Variants in KLHL28 observed in about 807,000 individuals in gnomAD.
KLHL28 encodes the protein kelch like family member 28.
KLHL28 carries 22 observed loss-of-function variants against 48.3 expected under a neutral mutation model. That is an observed-to-expected ratio of 0.46 (90% confidence interval 0.33 to 0.65). The LOEUF (loss-of-function observed/expected upper bound fraction) is 0.65. KLHL28 is among the 30% of genes least tolerant of loss of function. The pLI, the probability that KLHL28 is intolerant of heterozygous loss-of-function variation, is 0.03. For missense variants in KLHL28, 527 were observed against 704.3 expected (o/e 0.75, Z 2.85); for synonymous variants, 243 against 242.4 (o/e 1.00, Z -0.02).
At chr14:44,937,450 A>G (rs1328484978) in intron 2 of KLHL28, among the ~76,000 whole-genome samples, 1 of 152,042 alleles carries the variant, frequency 6.6e-6, no homozygotes, top group Non-Finnish European at 1.5e-5. Context: ...CCCGGCCCAG[A>G]ATTGAATTGT....
chr14:44,926,391 GTA>G lies in KLHL28; in HGVS notation c.*2635_*2636del, dbSNP rs1307620041. On this transcript the variant is annotated 3_prime_UTR_variant, in exon 5 of 5. Transcript: ENST00000396128. ...TTAGATTTTTCAAAAACAATGACCA[GTA>G]TATGTTTTTGATCTAATTTACCAAA... 2 of 151,958 alleles carry G rather than the reference GTA, an allele frequency of 1.3e-5. No individual in the cohort carries two copies. The highest frequency in any genetic ancestry group is 4.8e-5 in the African/African-American group (2 of 41,344). The allele number at this position is 151,958 out of a possible 1,614,324, so 9.4% of individuals were successfully genotyped here. A position where few individuals can be genotyped will look rare whatever the true frequency, so the allele number is the denominator to read the frequency against.
intron 1 of KLHL28, among the ~76,000 whole-genome samples, chr14:44,956,926 T>C (rs2138670723): frequency 6.6e-6 from 1 of 152,318 alleles, no homozygotes; most frequent in South Asian, 2.1e-4. Context: ...CAAGGGATTC[T>C]CCCTCCTCAG....
intron 2 of KLHL28, among the ~76,000 whole-genome samples, chr14:44,936,428 G>A (rs368691671): frequency 1.3e-5 from 2 of 152,150 alleles, no homozygotes; most frequent in South Asian, 2.1e-4. Context: ...GTAGAGAGGT[G>A]GAAGGGTTGG....
At chr14:44,961,428 C>G (rs1405124041) in intron 1 of KLHL28, among the ~76,000 whole-genome samples, 2 of 151,804 alleles carry the variant, frequency 1.3e-5, no homozygotes, top group African/African-American at 4.8e-5. Context: ...ATATTATGTA[C>G]GTTGTAAAGA....
At chr14:44,931,244 A>C in intron 4 of KLHL28, 89 bp downstream of exon 4, 1 of 690,272 alleles carries the variant, frequency 1.4e-6, no homozygotes, top group South Asian at 2.8e-5. Context: ...TAATATTCCT[A>C]CTGCTATATT....
At chr14:44,938,592 A>G (rs900992908) in intron 2 of KLHL28, among the ~76,000 whole-genome samples, 4 of 152,154 alleles carry the variant, frequency 2.6e-5, no homozygotes, top group African/African-American at 9.7e-5. Flanking sequence ...GGATGGTCTC[A>G]ATCTCCTGAC....
At chr14:44,931,053 G>A (rs1883564420) in intron 4 of KLHL28, among the ~76,000 whole-genome samples, 1 of 152,152 alleles carries the variant, frequency 6.6e-6, no homozygotes, top group Non-Finnish European at 1.5e-5. Context: ...GACAAAAGGA[G>A]CTTCTATAAA....
chr14:44,959,669 C>T (rs554460494), intron 1 of KLHL28, among the ~76,000 whole-genome samples: 1 of 152,230 alleles, frequency 6.6e-6, no homozygotes, highest in Admixed American at 6.5e-5. Flanking sequence ...CACACACATT[C>T]CTATAATTCA....
At chr14:44,949,029 G>A (rs553967476) in intron 1 of KLHL28, among the ~76,000 whole-genome samples, 1 of 152,126 alleles carries the variant, frequency 6.6e-6, no homozygotes, top group African/African-American at 2.4e-5. Flanking sequence ...AATAAGAGAA[G>A]GGATTGAAAA....
At chr14:44,953,391 C>G (rs2138660102) in intron 1 of KLHL28, among the ~76,000 whole-genome samples, 1 of 152,224 alleles carries the variant, frequency 6.6e-6, no homozygotes, top group Admixed American at 6.5e-5. Flanking sequence ...ATTTAGTCCC[C>G]AATGCGGTAG....
At chr14:44,931,278 C>T in intron 4 of KLHL28, 55 bp downstream of exon 4, 1 of 1,115,866 alleles carries the variant, frequency 9.0e-7, no homozygotes, top group South Asian at 1.4e-5. Context: ...ATTGCAAGCA[C>T]ATCATTATAG....
Position 44,945,341 on chromosome 14 carries a change from C to T in KLHL28, c.588G>A (p.Glu196=). ...SNDCLNVATE[E]TVFYALESWI... Reference sequence around the variant, plus strand: ...AAGACTCTAATGCATAAAAAACAGTCTCTTCGGTAGCTACATTCAAACAGT... The same window carrying T: ...AAGACTCTAATGCATAAAAAACAGTTTCTTCGGTAGCTACATTCAAACAGT... The change falls in exon 2 of 5, where the codon GAG becomes GAA. Residue 196 remains glutamate (E), a synonymous_variant. Transcript: ENST00000396128. 1.9e-6 allele frequency: 3 copies of T among 1,614,150 alleles called. No individual in the cohort carries two copies. The highest frequency in any genetic ancestry group is 2.5e-6 in the Non-Finnish European group (3 of 1,180,024).
At chr14:44,943,116 G>A (rs1255976419) in intron 2 of KLHL28, among the ~76,000 whole-genome samples, 1 of 152,092 alleles carries the variant, frequency 6.6e-6, no homozygotes, top group African/African-American at 2.4e-5. Context: ...ATATGAACAG[G>A]TCTTATTATT....
At chr14:44,949,704 G>A (rs1245547958) in intron 1 of KLHL28, among the ~76,000 whole-genome samples, 1 of 152,110 alleles carries the variant, frequency 6.6e-6, no homozygotes, top group African/African-American at 2.4e-5. Context: ...AAATTTAAAA[G>A]GGATAAATGT....
rs1883477514 is a variant in KLHL28, at chr14:44,929,057, G to A, written c.1687C>T (p.Arg563Cys). 5 of 1,613,488 alleles carry A rather than the reference G, an allele frequency of 3.1e-6. No individual in the cohort carries two copies. Among genetic ancestry groups the A allele is most frequent in the Middle Eastern group, 1.6e-4 (1 of 6,084 alleles). ...AGTGCAGTTAACCCAAAGTTGCAGC[G>A]ACAGTATATCATGCCAGCTGAATCC... ...WLDSAGMIYC[R>C]CNFGLTAL Residue 563 changes from arginine to cysteine, a missense_variant, in exon 5 of 5, where the codon CGC (arginine) becomes TGC (cysteine). Coordinates refer to ENST00000396128, the MANE Select transcript of KLHL28 (RefSeq NM_017658.5).
chr14:44,960,857 A>G, intron 1 of KLHL28: 3 of 1,353,904 alleles, frequency 2.2e-6, no homozygotes, highest in African/African-American at 2.9e-5. Flanking sequence ...TTATTCCAAG[A>G]CTTTAAAAAG....
rs1211545243 is a variant in KLHL28, at chr14:44,937,797, T to C, written c.900-3239A>G. On this transcript the variant is annotated intron_variant, in intron 2 of 4. Transcript: ENST00000396128. Reference sequence around the variant, plus strand: ...TCATCTCATGGTAGAAGACATCACATGGATAGCTAGCAAGCCTGTGCACAA... The same window carrying C: ...TCATCTCATGGTAGAAGACATCACACGGATAGCTAGCAAGCCTGTGCACAA... 3.3e-5 allele frequency among the ~76,000 whole-genome samples: 5 copies of C among 152,240 alleles called. No individual in the cohort carries two copies. In the South Asian group the frequency reaches 6.2e-4, roughly 19 times the overall value.
chr14:44,956,090 C>G (rs1443183436), intron 1 of KLHL28, among the ~76,000 whole-genome samples: 1 of 152,164 alleles, frequency 6.6e-6, no homozygotes, highest in Admixed American at 6.5e-5. Flanking sequence ...CTTTCCTACA[C>G]TAACTGTACT....
At chr14:44,933,055 C>A (rs955553879) in intron 3 of KLHL28, among the ~76,000 whole-genome samples, 2 of 152,148 alleles carry the variant, frequency 1.3e-5, no homozygotes, top group African/African-American at 4.8e-5. Context: ...ATAAGCTACA[C>A]GTATCCTCTT....
Sources: gnomAD v4.1 joint callset for allele counts (sites outside exome capture counted in the v4.1 genomes callset) on GRCh38, gnomAD v4.1.1 for gene constraint, MANE v1.5 for transcripts, NCBI Gene and HGNC (gene_info 2026-07-23, HGNC 2026-07-21) for gene names.